Variants in MAF observed in about 807,000 individuals in gnomAD.
MAF encodes MAF bZIP transcription factor.
A neutral mutation model predicts 22.0 loss-of-function variants in MAF; 10 were observed. That is an observed-to-expected ratio of 0.45 (90% CI 0.28 to 0.77). The LOEUF is 0.77. Ranked by LOEUF, MAF falls within the 30% of genes least tolerant of loss-of-function variation. The pLI is 0.12. For synonymous variants in MAF, 337 were observed against 255.8 expected (o/e 1.32, Z -3.03); for missense variants, 544 against 548.4 (o/e 0.99, Z 0.08).
the MAF span, among the ~76,000 whole-genome samples, chr16:79,440,863 G>C: frequency 6.6e-6 from 1 of 152,238 alleles, no homozygotes; most frequent in African/African-American, 2.4e-5. Context: ...TTTCTGGAGT[G>C]GGAGAGACAG....
chr16:79,549,173 G>A, the MAF span, among the ~76,000 whole-genome samples: 55 of 152,270 alleles, frequency 3.6e-4, no homozygotes, highest in Middle Eastern at 6.8e-3. Context: ...TGATGGTGAC[G>A]AGCAACAGGA....
At chr16:79,422,500 G>C in the MAF span, among the ~76,000 whole-genome samples, 2 of 152,164 alleles carry the variant, frequency 1.3e-5, no homozygotes, top group Non-Finnish European at 2.9e-5. Flanking sequence ...CCTTGAGCCA[G>C]TCATAGAGAT....
At chr16:79,230,013 AT>A in the MAF span, among the ~76,000 whole-genome samples, 3 of 152,068 alleles carry the variant, frequency 2.0e-5, no homozygotes, top group Non-Finnish European at 2.9e-5. Context: ...AAAAAAAAGA[AT>A]AAAAGCACTA....
the MAF span, among the ~76,000 whole-genome samples, chr16:79,288,479 T>A: frequency 1.3e-5 from 2 of 152,162 alleles, no homozygotes; most frequent in African/African-American, 4.8e-5. Context: ...TTGGGAGTCA[T>A]CACAGTTTAG....
chr16:79,301,077 G>A, the MAF span, among the ~76,000 whole-genome samples: 2 of 152,146 alleles, frequency 1.3e-5, no homozygotes, highest in East Asian at 3.9e-4. Flanking sequence ...AAAACCAAGC[G>A]GAGTCTCAAC....
At chr16:79,209,195 C>T in the MAF span, among the ~76,000 whole-genome samples, 1 of 152,146 alleles carries the variant, frequency 6.6e-6, no homozygotes, top group Non-Finnish European at 1.5e-5. Flanking sequence ...TGTAGGTTGG[C>T]ATGAAATGAA....
the MAF span, among the ~76,000 whole-genome samples, chr16:79,308,810 A>C: frequency 6.6e-6 from 1 of 152,164 alleles, no homozygotes; most frequent in African/African-American, 2.4e-5. Context: ...AAAGCCATGT[A>C]ATTCCTGACT....
chr16:79,301,987 C>T, the MAF span, among the ~76,000 whole-genome samples: 1 of 152,244 alleles, frequency 6.6e-6, no homozygotes, highest in Non-Finnish European at 1.5e-5. Flanking sequence ...AGCCTGATGG[C>T]TGTAACCACT....
chr16:79,496,479 T>A, the MAF span, among the ~76,000 whole-genome samples: 1 of 152,208 alleles, frequency 6.6e-6, no homozygotes, highest in African/African-American at 2.4e-5. Flanking sequence ...TTTATTACTC[T>A]CCCTGCATGA....
At chr16:79,218,011 AAAAAAAAAAAAAAT>A in the MAF span, among the ~76,000 whole-genome samples, 1 of 149,906 alleles carries the variant, frequency 6.7e-6, no homozygotes, top group East Asian at 2.0e-4. Flanking sequence ...AAAAAAAAAA[AAAAAAAAAAAAAAT>A]CTAAAATAGC....
the MAF span, among the ~76,000 whole-genome samples, chr16:79,232,985 C>T: frequency 7.9e-5 from 12 of 151,662 alleles, no homozygotes; most frequent in Non-Finnish European, 1.2e-4. Flanking sequence ...GGACTACGGG[C>T]GCCCGCCTCC....
At chr16:79,276,099 C>T in the MAF span, among the ~76,000 whole-genome samples, 28 of 151,970 alleles carry the variant, frequency 1.8e-4, 1 homozygote, top group Middle Eastern at 6.8e-3. Flanking sequence ...CGAGATCGTG[C>T]CACTTCATTC....
chr16:79,212,920 A>AAAG, the MAF span: 1 of 152,218 alleles, frequency 6.6e-6, no homozygotes, highest in Non-Finnish European at 1.5e-5. Context: ...GAAAGAAAAA[A>AAAG]GAAAAATGAC....
At chr16:79,371,397 C>A in the MAF span, among the ~76,000 whole-genome samples, 1 of 152,192 alleles carries the variant, frequency 6.6e-6, no homozygotes, top group African/African-American at 2.4e-5. Flanking sequence ...ACAGACGCCT[C>A]CTCTCAATGG....
the MAF span, among the ~76,000 whole-genome samples, chr16:79,237,599 T>G: frequency 1.3e-5 from 2 of 152,164 alleles, no homozygotes; most frequent in South Asian, 4.1e-4. Flanking sequence ...TCTGAGTAGG[T>G]GAGTTCCATC....
chr16:79,328,567 T>C, the MAF span, among the ~76,000 whole-genome samples: 8 of 152,222 alleles, frequency 5.3e-5, no homozygotes, highest in Non-Finnish European at 1.0e-4. Context: ...GAGCTAATTC[T>C]CTTCAGAGCC....
the MAF span, among the ~76,000 whole-genome samples, chr16:79,281,072 G>C: frequency 6.6e-6 from 1 of 152,182 alleles, no homozygotes. Context: ...AAAGAGCAGA[G>C]AGGAAGAGGA....
chr16:79,420,465 T>C, the MAF span, among the ~76,000 whole-genome samples: 1 of 152,314 alleles, frequency 6.6e-6, no homozygotes, highest in East Asian at 1.9e-4. Flanking sequence ...ATAAGAGTAT[T>C]TTTATTTTAG....
At chr16:79,527,328 A>G in the MAF span, among the ~76,000 whole-genome samples, 1 of 152,186 alleles carries the variant, frequency 6.6e-6, no homozygotes. Context: ...GCTTAAGTGA[A>G]TCTAAATAAC....
Sources: gnomAD v4.1 joint callset for allele counts (sites outside exome capture counted in the v4.1 genomes callset) on GRCh38, gnomAD v4.1.1 for gene constraint, MANE v1.5 for transcripts, NCBI Gene and HGNC (gene_info 2026-07-23, HGNC 2026-07-21) for gene names.